Variants in CNIH3 observed in about 807,000 individuals in gnomAD.
CNIH3 encodes protein cornichon homolog 3.
Under a neutral mutation model 24.1 loss-of-function variants are expected in CNIH3, and 14 were observed. The observed-to-expected ratio is 0.58, with a 90% confidence interval of 0.38 to 0.91. CNIH3 has a LOEUF of 0.91. Ranked by LOEUF, CNIH3 falls within the 40% of genes least tolerant of loss-of-function variation. The pLI is 0.00. For synonymous variants in CNIH3, 68 were observed against 73.8 expected (o/e 0.92, Z 0.40); for missense variants, 178 against 196.8 (o/e 0.90, Z 0.57).
chr1:224,603,332 A>G (rs1682284759), intron 3 of CNIH3, among the ~76,000 whole-genome samples: 1 of 152,238 alleles, frequency 6.6e-6, no homozygotes, highest in Non-Finnish European at 1.5e-5. Context: ...CCTTTGGCAT[A>G]GTAAACTGGG....
downstream of CNIH3, among the ~76,000 whole-genome samples, chr1:224,540,606 T>C (rs760034243): frequency 4.6e-5 from 7 of 152,208 alleles, no homozygotes; most frequent in Non-Finnish European, 7.3e-5. Context: ...TTAAGAAGCA[T>C]TAATAAATAT....
At chr1:224,690,031 T>C (rs1686855233) in intron 3 of CNIH3, among the ~76,000 whole-genome samples, 1 of 152,090 alleles carries the variant, frequency 6.6e-6, no homozygotes, top group Non-Finnish European at 1.5e-5. Flanking sequence ...GGAGGCTGAC[T>C]CCTGTTGCAT....
At chr1:224,636,460 A>G (rs1482198299) in intron 1 of CNIH3, among the ~76,000 whole-genome samples, 1 of 152,256 alleles carries the variant, frequency 6.6e-6, no homozygotes, top group African/African-American at 2.4e-5. Flanking sequence ...CCTAATTACC[A>G]GACCAGTGTC....
At chr1:224,572,249 C>T (rs1031315359) in intron 4 of CNIH3, among the ~76,000 whole-genome samples, 1 of 152,132 alleles carries the variant, frequency 6.6e-6, no homozygotes, top group African/African-American at 2.4e-5. Flanking sequence ...AGTGTGGTGG[C>T]TCATGTCTGT....
chr1:224,547,903 A>T (rs895598647), intron 3 of CNIH3, among the ~76,000 whole-genome samples: 1 of 151,618 alleles, frequency 6.6e-6, no homozygotes, highest in Admixed American at 6.6e-5. Flanking sequence ...GATATTGTTT[A>T]TAGTATCTAA....
At chr1:224,441,369 C>T (rs1293506883) in intron 1 of CNIH3, among the ~76,000 whole-genome samples, 1 of 152,182 alleles carries the variant, frequency 6.6e-6, no homozygotes, top group East Asian at 1.9e-4. Flanking sequence ...ACTGCCATCT[C>T]TGCACACACC....
At chr1:224,509,779 C>T (rs1454723391) in intron 1 of CNIH3, among the ~76,000 whole-genome samples, 1 of 152,238 alleles carries the variant, frequency 6.6e-6, no homozygotes, top group East Asian at 1.9e-4. Context: ...GTGCCCCCCT[C>T]GCCTGAAGTC....
intron 2 of CNIH3, among the ~76,000 whole-genome samples, chr1:224,682,141 G>A (rs1686432469): frequency 6.6e-6 from 1 of 152,222 alleles, no homozygotes. Flanking sequence ...CCATATGGAA[G>A]AACCGGGATT....
At chr1:224,697,153 G>A (rs1687219106) in intron 3 of CNIH3, among the ~76,000 whole-genome samples, 1 of 152,200 alleles carries the variant, frequency 6.6e-6, no homozygotes, top group Non-Finnish European at 1.5e-5. Context: ...CCAGAGAAAG[G>A]CCATGACAGG....
At chr1:224,591,453 G>A (rs193016018), downstream of CNIH3, among the ~76,000 whole-genome samples, 12 of 152,270 alleles carry the variant, frequency 7.9e-5, no homozygotes, top group Admixed American at 6.5e-4. Flanking sequence ...GCTGAGAAGA[G>A]CTTGGTCTTA....
chr1:224,671,500 C>T (rs1010739804), intron 1 of CNIH3, among the ~76,000 whole-genome samples: 2 of 152,196 alleles, frequency 1.3e-5, no homozygotes, highest in African/African-American at 4.8e-5. Flanking sequence ...CTGCATGGCC[C>T]AATGGAGGAA....
At chr1:224,655,012 G>A (rs1466380106) in intron 1 of CNIH3, among the ~76,000 whole-genome samples, 1 of 152,170 alleles carries the variant, frequency 6.6e-6, no homozygotes, top group Non-Finnish European at 1.5e-5. Context: ...GGTAATTGAG[G>A]AAAGTTTAAT....
Position 224,464,701 on chromosome 1 carries a change from C to T in CNIH3, n.203+29839C>T, listed in dbSNP as rs750492039. On this transcript the variant is annotated intron_variant and non_coding_transcript_variant, in intron 1 of 5. Coordinates refer to the CNIH3 transcript ENST00000471578. Reference sequence around the variant, plus strand: ...ATCTATTTTCCTTATTTATACCAAACCACACTGTTTTGATTCCTGTAGCTT... The same window carrying T: ...ATCTATTTTCCTTATTTATACCAAATCACACTGTTTTGATTCCTGTAGCTT... 2.0e-5 allele frequency among the ~76,000 whole-genome samples: 3 copies of T among 152,310 alleles called. No individual in the cohort carries two copies. The South Asian group carries it at 6.2e-4, about 32-fold the overall frequency.
chr1:224,651,471 C>T (rs937751828), intron 1 of CNIH3, among the ~76,000 whole-genome samples: 1 of 152,220 alleles, frequency 6.6e-6, no homozygotes, highest in African/African-American at 2.4e-5. Context: ...TTAACCCTTT[C>T]CTCCAGCCAC....
chr1:224,735,856 G>C (rs1407459534), intron 5 of CNIH3, among the ~76,000 whole-genome samples: 1 of 151,676 alleles, frequency 6.6e-6, no homozygotes, highest in African/African-American at 2.4e-5. Context: ...TGTAGAGATG[G>C]GGTTTCACTG....
chr1:224,678,037 G>A lies in CNIH3; in HGVS notation c.82-2921G>A, dbSNP rs948931168. On this transcript the variant is annotated intron_variant, in intron 1 of 5. Coordinates refer to ENST00000272133, the MANE Select transcript of CNIH3 (RefSeq NM_152495.2). ...AGCTCAGAGCTCTGGCCTTGGTCCC[G>A]CTTGGTCTACATTTATATCAGGGTA... Among the ~76,000 whole-genome samples the A allele has an allele frequency of 9.9e-5, 15 of 152,248 alleles. No individual in the cohort carries two copies. The South Asian group carries it at 1.0e-3, about 11-fold the overall frequency.
intron 4 of CNIH3, among the ~76,000 whole-genome samples, chr1:224,580,080 C>A (rs1052562963): frequency 6.6e-6 from 1 of 152,110 alleles, no homozygotes; most frequent in Non-Finnish European, 1.5e-5. Flanking sequence ...TCAGCTGTGC[C>A]TAGAATCCTG....
intron 1 of CNIH3, among the ~76,000 whole-genome samples, chr1:224,462,073 C>T (rs1274814005): frequency 6.6e-6 from 1 of 152,050 alleles, no homozygotes; most frequent in Non-Finnish European, 1.5e-5. Context: ...TTCTCATATA[C>T]ACCCTGCCCT....
chr1:224,652,541 C>T (rs1266932662), intron 1 of CNIH3, among the ~76,000 whole-genome samples: 1 of 152,104 alleles, frequency 6.6e-6, no homozygotes, highest in East Asian at 1.9e-4. Context: ...GAAGAAGGGA[C>T]TTAAGGCCCC....
Sources: gnomAD v4.1 joint callset for allele counts (sites outside exome capture counted in the v4.1 genomes callset) on GRCh38, gnomAD v4.1.1 for gene constraint, MANE v1.5 for transcripts, NCBI Gene and HGNC (gene_info 2026-07-23, HGNC 2026-07-21) for gene names.